The following KBTBD11 variants were observed in gnomAD, a reference collection of about 807,000 sequenced individuals.
KBTBD11 encodes kelch repeat and BTB domain containing 11.
For synonymous variants in KBTBD11, 747 were observed against 499.0 expected (o/e 1.50, Z -6.63); for missense variants, 1,390 against 1,001.8 (o/e 1.39, Z -5.23).
chr8:1,991,540 G>C (rs1196545315), intron 1 of KBTBD11, among the ~76,000 whole-genome samples: 1 of 152,166 alleles, frequency 6.6e-6, no homozygotes, highest in Non-Finnish European at 1.5e-5. Flanking sequence ...CTCGATTCCA[G>C]CTCTGTGATC....
intron 1 of KBTBD11, among the ~76,000 whole-genome samples, chr8:1,987,493 C>G (rs990806999): frequency 2.0e-5 from 3 of 152,174 alleles, no homozygotes; most frequent in Non-Finnish European, 4.4e-5. Context: ...GTCAGCAGAT[C>G]CCATTGTGGT....
chr8:1,994,365 C>T (rs931815681), intron 1 of KBTBD11, among the ~76,000 whole-genome samples: 1 of 152,194 alleles, frequency 6.6e-6, no homozygotes, highest in African/African-American at 2.4e-5. Flanking sequence ...CAGGGGCAAC[C>T]GGCGACCCGC....
chr8:1,987,088 A>C (rs1782036490), intron 1 of KBTBD11, among the ~76,000 whole-genome samples: 1 of 151,808 alleles, frequency 6.6e-6, no homozygotes, highest in African/African-American at 2.4e-5. Flanking sequence ...TATGTGGTGA[A>C]CAGAGACACT....
chr8:2,001,390 C>T lies in KBTBD11; in HGVS notation c.198C>T (p.Pro66=), dbSNP rs1242025583. The T allele has an allele frequency of 2.4e-5, 34 of 1,437,258 alleles. No individual in the cohort carries two copies. Among genetic ancestry groups the T allele is most frequent in the Non-Finnish European group, 3.0e-5 (33 of 1,098,848 alleles). The allele number at this position is 1,437,258 out of a possible 1,614,324, so 89.0% of individuals were successfully genotyped here. A position where few individuals can be genotyped will look rare whatever the true frequency, so the allele number is the denominator to read the frequency against. The change falls in exon 2 of 2, where the codon CCC becomes CCT. Residue 66 remains proline (P), a synonymous_variant. Transcript: ENST00000320248. ...SAAEGAATSP[P]SSGGPRVVER... is the part of the protein sequence containing the mutation. ...CGGAAGGCGCGGCCACCTCCCCGCCCTCCAGCGGTGGCCCGCGGGTGGTGG... is the reference window on the plus strand; with the variant it reads ...CGGAAGGCGCGGCCACCTCCCCGCCTTCCAGCGGTGGCCCGCGGGTGGTGG...
intron 1 of KBTBD11, chr8:1,976,012 C>T (rs562754942): frequency 1.3e-5 from 2 of 152,308 alleles, no homozygotes; most frequent in Non-Finnish European, 2.9e-5. Context: ...CAGTTGTTTT[C>T]TAAATACCAA....
chr8:1,986,952 CA>C (rs1198000932), intron 1 of KBTBD11, among the ~76,000 whole-genome samples: 1 of 141,004 alleles, frequency 7.1e-6, no homozygotes. Context: ...GCAGGAGGAC[CA>C]GGGGAGCCCA....
At position 2,002,948 on chromosome 8, in the gene KBTBD11, G is replaced by A. The variant is rs1373687966; in HGVS notation, c.1756G>A (p.Gly586Ser). ...AREGEAGGDAGQGGGFEALGA... is the reference protein window; with the variant it reads ...AREGEAGGDASQGGGFEALGA... The stretch of plus-strand genomic sequence containing the variant: ...GGAAGGCGAGGCCGGCGGCGACGCA[G>A]GCCAGGGCGGCGGCTTCGAGGCGCT... Residue 586 changes from glycine to serine, a missense_variant, in exon 2 of 2, where the codon GGC becomes AGC. Physicochemically the swap from Gly to Ser is moderately conservative, Grantham distance 56 (BLOSUM62 0). Coordinates refer to ENST00000320248, the MANE Select transcript of KBTBD11 (RefSeq NM_014867.3). The surrounding 1 kb of genome is among the most constrained non-coding windows in gnomAD (Gnocchi z 4.1). The A allele has an allele frequency of 7.6e-7, 1 of 1,320,200 alleles. No individual in the cohort carries two copies. The highest frequency in any genetic ancestry group is 9.6e-7 in the Non-Finnish European group (1 of 1,036,790). 81.8% of individuals were successfully genotyped at this position (1,320,200 alleles called of 1,614,324 possible).
rs1362825085 is a variant in KBTBD11 at position 2,006,792 on chromosome 8, C to G, written c.*3728C>G. On this transcript the variant is annotated 3_prime_UTR_variant, in exon 2 of 2. Transcript: ENST00000320248. ...AAGGTAAACTACACCTGTTGAAGGC[C>G]AAGTTCAGGGCAGCTGTTGTGATCT... is the stretch of plus-strand genomic sequence containing the variant. The G allele has an allele frequency of 6.0e-6, 1 of 167,118 alleles. No individual in the cohort carries two copies. Among genetic ancestry groups the G allele is most frequent in the Non-Finnish European group, 1.5e-5 (1 of 68,140 alleles). The allele number at this position is 167,118 out of a possible 1,614,324, so 10.4% of individuals were successfully genotyped here.
At chr8:1,985,784 C>T (rs1308690954) in intron 1 of KBTBD11, among the ~76,000 whole-genome samples, 15 of 152,326 alleles carry the variant, frequency 9.8e-5, no homozygotes, top group African/African-American at 3.4e-4. Flanking sequence ...CAGAGTGAGA[C>T]CTTGTCTCTA....
At chr8:1,988,177 T>C (rs892461782) in intron 1 of KBTBD11, among the ~76,000 whole-genome samples, 1 of 152,246 alleles carries the variant, frequency 6.6e-6, no homozygotes. Flanking sequence ...TTGTGAATAG[T>C]GCTGCTATAA....
At chr8:1,999,059 C>T (rs898106757) in intron 1 of KBTBD11, among the ~76,000 whole-genome samples, 1 of 152,194 alleles carries the variant, frequency 6.6e-6, no homozygotes, top group Non-Finnish European at 1.5e-5. Flanking sequence ...TTCTCAGAAA[C>T]CTTCTTAATA....
At chr8:1,994,796 C>A (rs533551020) in intron 1 of KBTBD11, among the ~76,000 whole-genome samples, 2 of 152,182 alleles carry the variant, frequency 1.3e-5, no homozygotes, top group South Asian at 4.1e-4. Flanking sequence ...TGGTGGCTGA[C>A]GCCTGTAATC....
rs1209527410 is a variant in KBTBD11 at position 2,006,909 on chromosome 8, G to A, written c.*3845G>A. The stretch of plus-strand genomic sequence containing the variant: ...TATGTTTGTCAGTTCATGCCGAGAT[G>A]AAATAAATCACGCAGAAAGTGCCAG... On this transcript the variant is annotated 3_prime_UTR_variant, in exon 2 of 2. Transcript: ENST00000320248. 6.0e-6 allele frequency: 1 copy of A among 166,538 alleles called. No individual in the cohort carries two copies. Among genetic ancestry groups the A allele is most frequent in the African/African-American group, 2.4e-5 (1 of 41,460 alleles). 10.3% of individuals were successfully genotyped at this position (166,538 alleles called of 1,614,324 possible).
intron 1 of KBTBD11, among the ~76,000 whole-genome samples, chr8:1,989,605 A>G (rs1361674933): frequency 6.6e-6 from 1 of 152,218 alleles, no homozygotes; most frequent in Admixed American, 6.5e-5. Context: ...TTAATCAGAT[A>G]CAGGAAGCAG....
At chr8:1,995,317 A>G (rs1817097546) in intron 1 of KBTBD11, among the ~76,000 whole-genome samples, 1 of 152,094 alleles carries the variant, frequency 6.6e-6, no homozygotes, top group Admixed American at 6.5e-5. Flanking sequence ...GCAGACACTA[A>G]GAGCAGAAGC....
Position 1,995,842 on chromosome 8 carries a change from T to C in KBTBD11, c.-908-4443T>C, listed in dbSNP as rs1160991005. Among the ~76,000 whole-genome samples, 5 of 152,088 alleles carry C rather than the reference T, an allele frequency of 3.3e-5. No homozygotes were observed. In the South Asian group the frequency reaches 8.3e-4, roughly 25 times the overall value. On this transcript the variant is annotated intron_variant, in intron 1 of 1. Transcript: ENST00000320248. ...AAGTTCAGGACCACTCTGGGAAACA[T>C]AGCGAGATCCTGTTTCTACTAAACA...
rs908141667 is a variant in KBTBD11, at chr8:1,974,472, C to T, written c.-909+537C>T. Reference sequence around the variant, plus strand: ...TCGGCGGTCGCGGGGATCGGCTGTCCGGAGCGAACGGGGGTCTCTCCTGGA... The same window carrying T: ...TCGGCGGTCGCGGGGATCGGCTGTCTGGAGCGAACGGGGGTCTCTCCTGGA... On this transcript the variant is annotated intron_variant, in intron 1 of 1. Coordinates refer to ENST00000320248, the MANE Select transcript of KBTBD11 (RefSeq NM_014867.3). The T allele has an allele frequency of 3.7e-5, 36 of 982,630 alleles. No homozygotes were observed. In the East Asian group the frequency reaches 3.7e-3, roughly 102 times the overall value. The allele number at this position is 982,630 out of a possible 1,614,324, so 60.9% of individuals were successfully genotyped here. A position where few individuals can be genotyped will look rare whatever the true frequency, so the allele number is the denominator to read the frequency against.
chr8:1,977,700 T>G (rs1816396975), intron 1 of KBTBD11, among the ~76,000 whole-genome samples: 1 of 5,906 alleles, frequency 1.7e-4, no homozygotes, highest in Non-Finnish European at 2.7e-4. Context: ...ATTTATTTAT[T>G]TTTTTTTGTA....
intron 1 of KBTBD11, chr8:1,974,390 A>G (rs2129306476): frequency 1.0e-6 from 1 of 983,748 alleles, no homozygotes; most frequent in Middle Eastern, 5.3e-4. Context: ...GCAGAAGCCG[A>G]AGCCAAGCGC....
Sources: allele counts gnomAD v4.1 joint callset (sites outside exome capture counted in the v4.1 genomes callset), GRCh38; gene constraint gnomAD v4.1.1; non-coding constraint Gnocchi (gnomAD v3.1); transcripts MANE v1.5; gene names NCBI Gene and HGNC (gene_info 2026-07-23, HGNC 2026-07-21).